WDR27: variants seen among roughly 807,000 people sequenced by gnomAD.
The protein encoded by WDR27 is WD repeat domain 27.
WDR27 carries 100 observed loss-of-function variants against 114.4 expected under a neutral mutation model. That is an observed-to-expected ratio of 0.87 (90% CI 0.74 to 1.03). The LOEUF is 1.03. Ranked by LOEUF, WDR27 falls within the 50% of genes least tolerant of loss-of-function variation. WDR27 has a pLI of 0.00. For missense variants in WDR27, 1,129 were observed against 1,092.9 expected (o/e 1.03, Z -0.47); for synonymous variants, 449 against 423.1 (o/e 1.06, Z -0.75).
At chr6:169,626,797 C>T (rs911692869) in intron 21 of WDR27, among the ~76,000 whole-genome samples, 8 of 152,344 alleles carry the variant, frequency 5.3e-5, no homozygotes, top group South Asian at 2.1e-4. Context: ...ACCAGCCCTT[C>T]GAGAGGCCAT....
At chr6:169,466,208 C>T (rs182939013) in intron 25 of WDR27, among the ~76,000 whole-genome samples, 4 of 152,254 alleles carry the variant, frequency 2.6e-5, no homozygotes, top group Admixed American at 2.6e-4. Context: ...TCATGCCCAT[C>T]CTCACACTTT....
At chr6:169,646,787 C>T (rs1425416459) in intron 16 of WDR27, among the ~76,000 whole-genome samples, 2 of 151,596 alleles carry the variant, frequency 1.3e-5, no homozygotes. Context: ...TGATAGATGT[C>T]ACCCACAATA....
intron 13 of WDR27, among the ~76,000 whole-genome samples, chr6:169,656,636 A>G (rs1238183864): frequency 6.6e-6 from 1 of 151,950 alleles, no homozygotes; most frequent in Middle Eastern, 3.2e-3. Context: ...GAAGGAGCCA[A>G]GAAGGCCCAG....
chr6:169,696,839 G>C (rs17860610), intron 1 of WDR27, among the ~76,000 whole-genome samples: 1 of 152,166 alleles, frequency 6.6e-6, no homozygotes, highest in African/African-American at 2.4e-5. Context: ...ACTTGAACCC[G>C]GGAGGCGGAG....
intron 25 of WDR27, among the ~76,000 whole-genome samples, chr6:169,481,448 C>G (rs770320107): frequency 6.6e-6 from 1 of 152,212 alleles, no homozygotes; most frequent in Non-Finnish European, 1.5e-5. Context: ...GCAACCTGCT[C>G]GGGTTCCCTT....
intron 25 of WDR27, among the ~76,000 whole-genome samples, chr6:169,462,490 G>GAGAAAGAAAGAAAGAAAGAAAGAAAGAA (rs368800707): frequency 4.0e-5 from 6 of 149,832 alleles, no homozygotes; most frequent in African/African-American, 1.5e-4. Flanking sequence ...GAGAGAGAGA[G>GAGAAAGAAAGAAAGAAAGAAAGAAAGAA]AGAAAGAAAG....
intron 18 of WDR27, among the ~76,000 whole-genome samples, chr6:169,637,268 G>A (rs1317386363): frequency 6.6e-6 from 1 of 152,150 alleles, no homozygotes; most frequent in South Asian, 2.1e-4. Context: ...CTTCCCCCAC[G>A]TAATAGCCCC....
the WDR27 span, among the ~76,000 whole-genome samples, chr6:169,429,684 T>A: frequency 1.3e-5 from 2 of 152,176 alleles, no homozygotes; most frequent in African/African-American, 4.8e-5. Context: ...AGCAGGCATT[T>A]CAACTTTGTC....
chr6:169,595,793 T>A (rs1424080763), intron 23 of WDR27, among the ~76,000 whole-genome samples: 1 of 151,784 alleles, frequency 6.6e-6, no homozygotes, highest in Non-Finnish European at 1.5e-5. Flanking sequence ...CTTTATTTTT[T>A]TTTTTTTCAA....
chr6:169,566,766 G>C (rs1162080060), intron 25 of WDR27, among the ~76,000 whole-genome samples: 1 of 152,174 alleles, frequency 6.6e-6, no homozygotes, highest in African/African-American at 2.4e-5. Flanking sequence ...AGATTCCAGT[G>C]TGGGGGATTC....
At chr6:169,630,490 T>C (rs1051737925) in intron 21 of WDR27, among the ~76,000 whole-genome samples, 2 of 152,252 alleles carry the variant, frequency 1.3e-5, no homozygotes, top group Admixed American at 1.3e-4. Flanking sequence ...GAAGTTTCAC[T>C]AAATAAATTT....
At chr6:169,671,272 CA>C (rs1778678227) in intron 3 of WDR27, 1 of 152,498 alleles carries the variant, frequency 6.6e-6, no homozygotes, top group Admixed American at 6.5e-5. Flanking sequence ...CTATCACCAG[CA>C]AAATGCAGAT....
At chr6:169,547,993 C>A (rs1367273709) in intron 25 of WDR27, among the ~76,000 whole-genome samples, 2 of 151,202 alleles carry the variant, frequency 1.3e-5, no homozygotes, top group Non-Finnish European at 2.9e-5. Context: ...AAAAGTTAAT[C>A]ACTTTCAAGG....
rs1285281745 is a variant in WDR27, at chr6:169,582,867, G to T, written c.2492C>A (p.Thr831Asn). The T allele has an allele frequency of 6.2e-7, 1 of 1,613,950 alleles. No homozygotes were observed. The highest frequency in any genetic ancestry group is 2.2e-5 in the East Asian group (1 of 44,862). The change falls in exon 24 of 26, where the codon ACT (threonine) becomes AAT (asparagine). Residue 831 changes from threonine to asparagine, a missense_variant. Coordinates refer to ENST00000448612, the MANE Select transcript of WDR27 (RefSeq NM_182552.5). ...CGCTGATGGGTTGAAGGCCACTCCA[G>T]TGACAGTGTCTGTGTGCCCAGCCAG... ...HRLAGHTDTVTGVAFNPSAPQ... is the reference protein window; with the variant it reads ...HRLAGHTDTVNGVAFNPSAPQ...
rs1822714760 is a variant in WDR27 at position 169,651,983 on chromosome 6, T to C, written c.1428A>G (p.Gln476=). ...TAACTTTACTATGGAAAACCAGGCG[T>C]TGGTCCTTCATGACGTTCCGTGCAG... ...RRAARNVMKD[Q]RLVFHSKVRS... Residue 476 remains glutamine, a synonymous_variant, in exon 14 of 26, where the codon CAA becomes CAG. Coordinates refer to ENST00000448612, the MANE Select transcript of WDR27 (RefSeq NM_182552.5). 1 of 1,613,886 alleles carries C rather than the reference T, an allele frequency of 6.2e-7. No individual in the cohort carries two copies. The highest frequency in any genetic ancestry group is 8.5e-7 in the Non-Finnish European group (1 of 1,179,872).
Position 169,580,933 on chromosome 6 carries a change from T to TTATATATA in WDR27, c.2523+1895_2523+1902dup, listed in dbSNP as rs1220748162. Among the ~76,000 whole-genome samples the TTATATATA allele has an allele frequency of 2.8e-3, 150 of 53,630 alleles. No homozygotes were observed. In the East Asian group the frequency reaches 0.05, roughly 18 times the overall value. The allele number at this position is 53,630 out of a possible 152,430, so 35.2% of individuals were successfully genotyped here. ...TTAAAAATAAGGAACTTAGTGAATT[T>TTATATATA]TATATATATATATATATATACATAT... On this transcript the variant is annotated intron_variant, in intron 24 of 25. Coordinates refer to ENST00000448612, the MANE Select transcript of WDR27 (RefSeq NM_182552.5).
intron 25 of WDR27, among the ~76,000 whole-genome samples, chr6:169,523,550 A>G (rs1794631705): frequency 1.3e-5 from 2 of 152,250 alleles, no homozygotes; most frequent in South Asian, 4.1e-4. Context: ...GCAACACACT[A>G]GCAAACCAAA....
At chr6:169,696,943 AC>A (rs1384285018) in intron 1 of WDR27, among the ~76,000 whole-genome samples, 2 of 152,032 alleles carry the variant, frequency 1.3e-5, no homozygotes, top group Admixed American at 1.3e-4. Context: ...AACAACAAAA[AC>A]CTATCTCCTG....
intron 22 of WDR27, among the ~76,000 whole-genome samples, chr6:169,607,379 T>C (rs539106566): frequency 3.5e-4 from 52 of 150,136 alleles, no homozygotes; most frequent in Non-Finnish European, 7.4e-4. Flanking sequence ...AAATGTAGTA[T>C]ACTTGTGTGT....
Sources: allele counts gnomAD v4.1 joint callset (sites outside exome capture counted in the v4.1 genomes callset), GRCh38; gene constraint gnomAD v4.1.1; transcripts MANE v1.5; gene names NCBI Gene and HGNC (gene_info 2026-07-23, HGNC 2026-07-21).